Variants in FAT4 observed in about 807,000 individuals in gnomAD.
FAT4 encodes the protein protocadherin Fat 4.
In FAT4, 84 loss-of-function variants were observed where a neutral mutation model predicts 303.9. That is an observed-to-expected ratio of 0.28 (90% CI 0.23 to 0.33). FAT4 has a LOEUF of 0.33. Among genes scored for constraint, FAT4 ranks in the 10% least tolerant of loss-of-function variants. The pLI, the probability that FAT4 is intolerant of heterozygous loss-of-function variation, is 1.00. For missense variants in FAT4, 6,005 were observed against 6,146.8 expected (o/e 0.98, Z 0.77); for synonymous variants, 2,307 against 2,298.8 (o/e 1.00, Z -0.10).
intron 2 of FAT4, among the ~76,000 whole-genome samples, chr4:125,332,272 G>A (rs1397763244): frequency 6.6e-6 from 1 of 150,492 alleles, no homozygotes; most frequent in East Asian, 2.0e-4. Context: ...TTTCTGTGTG[G>A]TCACAAATCT....
rs1200955052 is a variant in FAT4, at chr4:125,319,290, G to A, written c.2879G>A (p.Gly960Asp). 2 of 1,613,958 alleles carry A rather than the reference G, an allele frequency of 1.2e-6. No homozygotes were observed. Among genetic ancestry groups the A allele is most frequent in the Non-Finnish European group, 1.7e-6 (2 of 1,180,006 alleles). ...CTTGGGCCCCTGGATGTTCATGCTG[G>A]CTCCTACCAAATAGAGATCTTGGCA... Reference protein sequence around the residue: ...SLLGPLDVHAGSYQIEILASD... With the variant: ...SLLGPLDVHADSYQIEILASD... The change falls in exon 2 of 18, where the codon GGC becomes GAC. Residue 960 changes from glycine to aspartate, a missense_variant. Gly to Asp is a moderately conservative substitution (Grantham distance 94). Coordinates refer to ENST00000394329, the MANE Select transcript of FAT4 (RefSeq NM_001291303.3).
rs989660068 is a variant in FAT4 at position 125,354,097 on chromosome 4, G to A, written c.5175+32511G>A. On this transcript the variant is annotated intron_variant, in intron 2 of 17. Coordinates refer to ENST00000394329, the MANE Select transcript of FAT4 (RefSeq NM_001291303.3). Reference sequence around the variant, plus strand: ...TGAAGTCTATGTATCAAAGACAAAGGTGGGAAATTGTATTGCATTTTATAA... The same window carrying A: ...TGAAGTCTATGTATCAAAGACAAAGATGGGAAATTGTATTGCATTTTATAA... 5.9e-5 allele frequency among the ~76,000 whole-genome samples: 9 copies of A among 151,632 alleles called. No individual in the cohort carries two copies. In the South Asian group the frequency reaches 1.5e-3, roughly 24 times the overall value.
In FAT4 at chr4:125,407,159, T is replaced by C; in HGVS notation, c.5569+18T>C. 6.3e-7 allele frequency: 1 copy of C among 1,587,260 alleles called. No homozygotes were observed. Among genetic ancestry groups the C allele is most frequent in the African/African-American group, 1.4e-5 (1 of 73,996 alleles). On this transcript the variant is annotated intron_variant, in intron 4 of 17. Transcript: ENST00000394329. ...AATCCCTGGTAGGTGATGGGTCTCTTATGTGTATTTTGCAAGAATCGCTTT... is the reference window on the plus strand; with the variant it reads ...AATCCCTGGTAGGTGATGGGTCTCTCATGTGTATTTTGCAAGAATCGCTTT...
chr4:125,395,685 TA>T (rs1413706075), intron 2 of FAT4, among the ~76,000 whole-genome samples: 1 of 152,080 alleles, frequency 6.6e-6, no homozygotes, highest in Non-Finnish European at 1.5e-5. Context: ...ATTTATTAAA[TA>T]AATGACCTAT....
intron 5 of FAT4, among the ~76,000 whole-genome samples, chr4:125,412,738 A>G (rs1167016463): frequency 6.6e-6 from 1 of 151,894 alleles, no homozygotes; most frequent in African/African-American, 2.4e-5. Context: ...TGATTTATGT[A>G]GAAATGTTAG....
At position 125,318,336 on chromosome 4, in the gene FAT4, G is replaced by A; in HGVS notation, c.1925G>A (p.Ser642Asn). 1 of 1,614,216 alleles carries A rather than the reference G, an allele frequency of 6.2e-7. No individual in the cohort carries two copies. The highest frequency in any genetic ancestry group is 8.5e-7 in the Non-Finnish European group (1 of 1,180,052). The change falls in exon 2 of 18, where the codon AGT (serine) becomes AAT (asparagine). Residue 642 changes from serine to asparagine, a missense_variant. Coordinates refer to ENST00000394329, the MANE Select transcript of FAT4 (RefSeq NM_001291303.3). The stretch of plus-strand genomic sequence containing the variant: ...CTGGATCCTGTGTCTGGGAGGTTGA[G>A]TACTATTTCCTCCTTGGACAGAGAA... ...FRLDPVSGRLSTISSLDREEQ... is the reference protein window; with the variant it reads ...FRLDPVSGRLNTISSLDREEQ...
At chr4:125,433,933 G>T (rs1725362319) in intron 7 of FAT4, among the ~76,000 whole-genome samples, 1 of 152,100 alleles carries the variant, frequency 6.6e-6, no homozygotes, top group African/African-American at 2.4e-5. Context: ...GAAATTACCG[G>T]CAGTGCCTCT....
Position 125,415,276 on chromosome 4 carries a change from G to A in FAT4, c.6313G>A (p.Glu2105Lys). ...NKFSIGTIDG[E>K]VRLTGELDRE... ...GTTCAGTATTGGGACCATTGATGGTGAAGTGAGGCTCACTGGAGAACTGGA... is the reference window on the plus strand; with the variant it reads ...GTTCAGTATTGGGACCATTGATGGTAAAGTGAGGCTCACTGGAGAACTGGA... The change falls in exon 6 of 18, where the codon GAA becomes AAA. Residue 2105 changes from glutamate (E) to lysine (K), a missense_variant. Physicochemically the swap from Glu to Lys is moderately conservative, Grantham distance 56. Coordinates refer to ENST00000394329, the MANE Select transcript of FAT4 (RefSeq NM_001291303.3). 6.2e-7 allele frequency: 1 copy of A among 1,614,084 alleles called. No homozygotes were observed. Among genetic ancestry groups the A allele is most frequent in the South Asian group, 1.1e-5 (1 of 91,082 alleles).
At chr4:125,355,217 A>C (rs1368399294) in intron 2 of FAT4, among the ~76,000 whole-genome samples, 1 of 151,972 alleles carries the variant, frequency 6.6e-6, no homozygotes, top group Admixed American at 6.6e-5. Flanking sequence ...TGATTTATAC[A>C]TTCATGTAAT....
chr4:125,402,629 G>A (rs1322775722), intron 3 of FAT4, among the ~76,000 whole-genome samples: 1 of 151,930 alleles, frequency 6.6e-6, no homozygotes, highest in African/African-American at 2.4e-5. Flanking sequence ...AATATAGCGG[G>A]AATATTTTTG....
chr4:125,359,390 A>C (rs1732562859), intron 2 of FAT4, among the ~76,000 whole-genome samples: 1 of 152,178 alleles, frequency 6.6e-6, no homozygotes, highest in South Asian at 2.1e-4. Context: ...ATATATGCCG[A>C]TGGCCAATTT....
intron 2 of FAT4, among the ~76,000 whole-genome samples, chr4:125,336,721 G>A (rs1445096807): frequency 6.6e-6 from 1 of 151,750 alleles, no homozygotes; most frequent in African/African-American, 2.4e-5. Flanking sequence ...TTGAGTAAGT[G>A]GTCTTAGTTG....
intron 16 of FAT4, among the ~76,000 whole-genome samples, chr4:125,483,936 GTTTTTT>G (rs201560384): frequency 7.2e-5 from 7 of 96,784 alleles, no homozygotes; most frequent in Non-Finnish European, 1.2e-4. Context: ...CCAGGGTTCC[GTTTTTT>G]TTTTTTTTTT....
At chr4:125,477,782 GATTA>G (rs777052582) in intron 14 of FAT4, among the ~76,000 whole-genome samples, 4 of 151,958 alleles carry the variant, frequency 2.6e-5, no homozygotes, top group Non-Finnish European at 4.4e-5. Flanking sequence ...GCAATAACTT[GATTA>G]ATTATGAACT....
chr4:125,464,591 C>A (rs1726595425), intron 11 of FAT4, among the ~76,000 whole-genome samples: 1 of 151,702 alleles, frequency 6.6e-6, no homozygotes, highest in African/African-American at 2.4e-5. Flanking sequence ...CATATGTATA[C>A]ATGTGCCATG....
chr4:125,475,273 A>G (rs1037864764), intron 12 of FAT4, among the ~76,000 whole-genome samples: 13 of 152,108 alleles, frequency 8.5e-5, no homozygotes, highest in African/African-American at 2.7e-4. Flanking sequence ...AGATTACACA[A>G]TAATATAGAT....
At position 125,424,381 on chromosome 4, in the gene FAT4, C is replaced by T. The variant is rs557545732; in HGVS notation, c.7018+7759C>T. On this transcript the variant is annotated intron_variant, in intron 7 of 17. Coordinates refer to ENST00000394329, the MANE Select transcript of FAT4 (RefSeq NM_001291303.3). ...TTCACTCTGCACATCTCATTTTTCT[C>T]TCTCCTGCTGCCTTGTGAATAAGGA... Among the ~76,000 whole-genome samples, 235 of 152,298 alleles carry T rather than the reference C, an allele frequency of 1.5e-3. 1 individual carries two copies. The highest frequency in any genetic ancestry group is 3.7e-3 in the South Asian group (18 of 4,830).
At position 125,445,735 on chromosome 4, in the gene FAT4, C is replaced by T. The variant is rs1021181178; in HGVS notation, c.7200-558C>T. 2.6e-5 allele frequency among the ~76,000 whole-genome samples: 4 copies of T among 152,112 alleles called. No individual in the cohort carries two copies. In the South Asian group the frequency reaches 8.3e-4, roughly 32 times the overall value. ...TCTCCTGACAAGAAAGCAACAAAACCATATGAGGAATGACAAAGACAGAAT... is the reference window on the plus strand; with the variant it reads ...TCTCCTGACAAGAAAGCAACAAAACTATATGAGGAATGACAAAGACAGAAT... On this transcript the variant is annotated intron_variant, in intron 8 of 17. Coordinates refer to ENST00000394329, the MANE Select transcript of FAT4 (RefSeq NM_001291303.3).
At position 125,490,449 on chromosome 4, in the gene FAT4, C is replaced by T. The variant is rs764638192; in HGVS notation, c.13633C>T (p.Pro4545Ser). 1.9e-6 allele frequency: 3 copies of T among 1,613,998 alleles called. No individual in the cohort carries two copies. Among genetic ancestry groups the T allele is most frequent in the Non-Finnish European group, 2.5e-6 (3 of 1,180,012 alleles). ...CAAAAATCCCAAAGAGGAGAAGAAA[C>T]CGAAGGAGAAGAAGAAAAAGGGAAG... ...KAKNPKEEKK[P>S]KEKKKKGSEN... Residue 4545 changes from proline to serine, a missense_variant, in exon 18 of 18, where the codon CCG becomes TCG. Physicochemically the swap from Pro to Ser is moderately conservative, Grantham distance 74. Coordinates refer to ENST00000394329, the MANE Select transcript of FAT4 (RefSeq NM_001291303.3).
Sources: gnomAD v4.1 joint callset for allele counts (sites outside exome capture counted in the v4.1 genomes callset) on GRCh38, gnomAD v4.1.1 for gene constraint, MANE v1.5 for transcripts, NCBI Gene and HGNC (gene_info 2026-07-23, HGNC 2026-07-21) for gene names.